The following MAF variants were observed in gnomAD, a reference collection of about 807,000 sequenced individuals.
MAF encodes the protein transcription factor Maf.
Under a neutral mutation model 22.0 loss-of-function variants are expected in MAF, and 10 were observed. That is an observed-to-expected ratio of 0.45 (90% CI 0.28 to 0.77). MAF has a LOEUF of 0.77. MAF is among the 30% of genes least tolerant of loss of function. The pLI is 0.12. For synonymous variants in MAF, 337 were observed against 255.8 expected (o/e 1.32, Z -3.03); for missense variants, 544 against 548.4 (o/e 0.99, Z 0.08).
chr16:79,456,498 T>G, the MAF span, among the ~76,000 whole-genome samples: 2 of 152,080 alleles, frequency 1.3e-5, no homozygotes, highest in Non-Finnish European at 2.9e-5. Context: ...CCCCTTACAT[T>G]CAAGAAATGC....
chr16:79,575,778 T>C, the MAF span, among the ~76,000 whole-genome samples: 1 of 152,182 alleles, frequency 6.6e-6, no homozygotes, highest in African/African-American at 2.4e-5. Context: ...TTCATACCTA[T>C]AACAAAGGAA....
chr16:79,203,546 A>G, the MAF span: 10 of 144,272 alleles, frequency 6.9e-5, no homozygotes, highest in African/African-American at 2.6e-4. Context: ...GTTATAGAAT[A>G]CTTATGGGGC....
At chr16:79,439,406 C>T in the MAF span, among the ~76,000 whole-genome samples, 19 of 151,686 alleles carry the variant, frequency 1.3e-4, no homozygotes, top group East Asian at 5.8e-4. Context: ...GGACCACAGG[C>T]GCCCGTCACC....
chr16:79,517,568 C>CTTTTTTTTT, the MAF span, among the ~76,000 whole-genome samples: 1 of 99,784 alleles, frequency 1.0e-5, no homozygotes, highest in South Asian at 3.6e-4. Flanking sequence ...ACTGTTTAGT[C>CTTTTTTTTT]TTTTTTTTTT....
At chr16:79,387,301 A>G in the MAF span, among the ~76,000 whole-genome samples, 1 of 152,196 alleles carries the variant, frequency 6.6e-6, no homozygotes, top group Non-Finnish European at 1.5e-5. Context: ...AAGCATGTCT[A>G]AGGGATTAAA....
the MAF span, among the ~76,000 whole-genome samples, chr16:79,454,189 G>C: frequency 2.7e-4 from 41 of 152,212 alleles, no homozygotes; most frequent in African/African-American, 9.9e-4. Flanking sequence ...AAGACAGCAA[G>C]TCATTGACCA....
the MAF span, among the ~76,000 whole-genome samples, chr16:79,309,307 T>A: frequency 3.3e-5 from 5 of 152,182 alleles, no homozygotes; most frequent in Non-Finnish European, 7.3e-5. Flanking sequence ...ATAATTGCCT[T>A]TATTGGCTAT....
the MAF span, among the ~76,000 whole-genome samples, chr16:79,427,857 C>T: frequency 6.6e-6 from 1 of 152,100 alleles, no homozygotes; most frequent in Admixed American, 6.5e-5. Context: ...TTATACAGCT[C>T]TGTGCCTCCA....
chr16:79,205,196 T>G, the MAF span: 1 of 152,230 alleles, frequency 6.6e-6, no homozygotes, highest in Non-Finnish European at 1.5e-5. Flanking sequence ...GTGTCCCTTG[T>G]AATTTGTGGT....
chr16:79,452,998 G>A, the MAF span, among the ~76,000 whole-genome samples: 3 of 152,204 alleles, frequency 2.0e-5, no homozygotes, highest in Non-Finnish European at 4.4e-5. Flanking sequence ...TTTTCATAAT[G>A]AGAGCTCACT....
chr16:79,239,687 A>G, the MAF span, among the ~76,000 whole-genome samples: 1 of 152,068 alleles, frequency 6.6e-6, no homozygotes, highest in South Asian at 2.1e-4. Context: ...TGTCCCTCTC[A>G]ATACCTGGAA....
the MAF span, among the ~76,000 whole-genome samples, chr16:79,293,110 C>T: frequency 6.6e-6 from 1 of 152,172 alleles, no homozygotes; most frequent in Admixed American, 6.5e-5. Flanking sequence ...CCTTTACTTG[C>T]TTAATAAACT....
At chr16:79,543,445 G>A in the MAF span, among the ~76,000 whole-genome samples, 1 of 152,220 alleles carries the variant, frequency 6.6e-6, no homozygotes, top group Non-Finnish European at 1.5e-5. Context: ...CAAAGAGCAT[G>A]TGGTGGACAC....
At chr16:79,488,864 G>T in the MAF span, among the ~76,000 whole-genome samples, 1 of 152,086 alleles carries the variant, frequency 6.6e-6, no homozygotes, top group Non-Finnish European at 1.5e-5. Flanking sequence ...TAATTAAGAA[G>T]AACTGAAATG....
the MAF span, among the ~76,000 whole-genome samples, chr16:79,302,912 G>C: frequency 1.3e-5 from 2 of 152,236 alleles, no homozygotes; most frequent in African/African-American, 4.8e-5. Context: ...GCTGCTAAAA[G>C]TGGTACCATT....
chr16:79,270,586 G>C, the MAF span, among the ~76,000 whole-genome samples: 3 of 152,176 alleles, frequency 2.0e-5, no homozygotes, highest in African/African-American at 7.2e-5. Context: ...TGCTTAGGTA[G>C]GGCTGGCTTG....
the MAF span, among the ~76,000 whole-genome samples, chr16:79,404,095 A>G: frequency 6.6e-6 from 1 of 151,678 alleles, no homozygotes. Context: ...TCCATTTTTA[A>G]CCAGAACCTA....
At chr16:79,470,209 G>T in the MAF span, among the ~76,000 whole-genome samples, 1 of 152,220 alleles carries the variant, frequency 6.6e-6, no homozygotes, top group East Asian at 1.9e-4. Flanking sequence ...CTCTGGTTCT[G>T]AGGAAGTGGG....
the MAF span, among the ~76,000 whole-genome samples, chr16:79,217,641 A>G: frequency 7.2e-5 from 11 of 152,174 alleles, no homozygotes; most frequent in African/African-American, 2.7e-4. Flanking sequence ...CCAAACAGGA[A>G]GAGTAGGCCA....
Sources: gnomAD v4.1 joint callset for allele counts (sites outside exome capture counted in the v4.1 genomes callset) on GRCh38, gnomAD v4.1.1 for gene constraint, MANE v1.5 for transcripts, NCBI Gene and HGNC (gene_info 2026-07-23, HGNC 2026-07-21) for gene names.